VMA12: variants seen among roughly 807,000 people sequenced by gnomAD.
The protein encoded by VMA12 is vacuolar ATPase assembly protein VMA12.
chr17:28,360,329 G>A, the VMA12 span: 26 of 543,350 alleles, frequency 4.8e-5, 1 homozygote, highest in African/African-American at 4.7e-4. Context: ...CAGGAGAGTA[G>A]ATGGGTACTG....
the VMA12 span, chr17:28,359,229 G>C: frequency 8.5e-6 from 12 of 1,417,628 alleles, no homozygotes; most frequent in Non-Finnish European, 1.2e-5. Context: ...ACCTTTAGCA[G>C]TGCTTTACCC....
the VMA12 span, chr17:28,361,068 TG>T: frequency 1.4e-3 from 1,835 of 1,297,330 alleles, 31 homozygotes; most frequent in African/African-American, 0.024. Flanking sequence ...AGAGGGTGGT[TG>T]GGGGGCTCTC....
the VMA12 span, chr17:28,361,176 TC>T: frequency 6.2e-7 from 1 of 1,614,134 alleles, no homozygotes; most frequent in Non-Finnish European, 8.5e-7. Flanking sequence ...GCTGCATTGA[TC>T]GTCGCCTCTG....
At chr17:28,359,101 T>C in the VMA12 span, 1 of 1,125,750 alleles carries the variant, frequency 8.9e-7, no homozygotes, top group East Asian at 2.5e-5. Flanking sequence ...TTGAAATCTT[T>C]GGGATCTGGG....
the VMA12 span, chr17:28,361,786 T>C: frequency 2.6e-5 from 4 of 154,446 alleles, no homozygotes; most frequent in African/African-American, 9.6e-5. Context: ...GATGGGTTGC[T>C]AGAGGATGGT....
chr17:28,358,129 T>C, the VMA12 span: 8 of 549,508 alleles, frequency 1.5e-5, no homozygotes, highest in Non-Finnish European at 2.6e-5. Context: ...CTAGGCCCAA[T>C]TCACCCTTGA....
the VMA12 span, chr17:28,360,900 A>AAGGG: frequency 6.8e-7 from 1 of 1,473,284 alleles, no homozygotes. Context: ...GTTAGTGGGT[A>AAGGG]AGGGAGGACG....
At chr17:28,357,667 A>G in the VMA12 span, 9 of 1,611,566 alleles carry the variant, frequency 5.6e-6, no homozygotes, top group Non-Finnish European at 5.9e-6. Flanking sequence ...AGAGCCGGCT[A>G]GATATGGCGT....
At chr17:28,361,248 TG>T in the VMA12 span, 1 of 1,614,084 alleles carries the variant, frequency 6.2e-7, no homozygotes, top group Non-Finnish European at 8.5e-7. Context: ...CTGGGAGAAC[TG>T]TAACTGGTGC....
At chr17:28,360,927 G>T in the VMA12 span, 3 of 1,231,266 alleles carry the variant, frequency 2.4e-6, no homozygotes, top group Non-Finnish European at 3.6e-6. Context: ...AAAGTGCCTT[G>T]CACAGGTTAG....
At chr17:28,359,383 C>G in the VMA12 span, 1 of 1,614,096 alleles carries the variant, frequency 6.2e-7, no homozygotes, top group Admixed American at 1.7e-5. Flanking sequence ...ATAAACGGAT[C>G]ACCCGCAACG....
At chr17:28,359,214 C>G in the VMA12 span, 1 of 1,294,770 alleles carries the variant, frequency 7.7e-7, no homozygotes, top group Non-Finnish European at 1.1e-6. Context: ...TGTGGGTCTC[C>G]TGATACCTTT....
the VMA12 span, chr17:28,360,771 A>G: frequency 1.9e-6 from 3 of 1,613,860 alleles, no homozygotes; most frequent in African/African-American, 4.0e-5. Context: ...ACCATCTTCA[A>G]TTTCATTGTC....
chr17:28,358,690 TG>T, the VMA12 span, among the ~76,000 whole-genome samples: 1 of 152,228 alleles, frequency 6.6e-6, no homozygotes, highest in Admixed American at 6.5e-5. Context: ...GTTATAACAC[TG>T]GCAGGATAAT....
chr17:28,361,247 C>G, the VMA12 span: 4 of 1,613,976 alleles, frequency 2.5e-6, no homozygotes, highest in Middle Eastern at 1.6e-4. Flanking sequence ...GCTGGGAGAA[C>G]TGTAACTGGT....
At chr17:28,361,075 C>A in the VMA12 span, 2 of 1,363,484 alleles carry the variant, frequency 1.5e-6, no homozygotes, top group Non-Finnish European at 2.1e-6. Context: ...GGTTGGGGGG[C>A]TCTCCATCCT....
At chr17:28,360,217 C>T in the VMA12 span, 1 of 246,004 alleles carries the variant, frequency 4.1e-6, no homozygotes, top group South Asian at 5.6e-5. Context: ...GCCTCGGCCT[C>T]CCAAAGTGCT....
the VMA12 span, chr17:28,359,017 G>T: frequency 1.9e-6 from 3 of 1,571,504 alleles, no homozygotes. Context: ...TTGTGAGAGT[G>T]GTTATTGACT....
At chr17:28,358,449 A>T in the VMA12 span, 1 of 472,370 alleles carries the variant, frequency 2.1e-6, no homozygotes. Flanking sequence ...GGGAAGGAAC[A>T]GGACAAACTA....
Sources: gnomAD v4.1 joint callset for allele counts (sites outside exome capture counted in the v4.1 genomes callset) on GRCh38, gnomAD v4.1.1 for gene constraint, MANE v1.5 for transcripts, NCBI Gene and HGNC (gene_info 2026-07-23, HGNC 2026-07-21) for gene names.